The following HPSE variants were observed in gnomAD, a reference collection of about 807,000 sequenced individuals.
The protein encoded by HPSE is heparanase, also known as endo-glucoronidase.
In HPSE, 48 loss-of-function variants were observed where a neutral mutation model predicts 65.1. The ratio of observed to expected loss-of-function variants is 0.74; its 90% confidence interval spans 0.58 to 0.94. HPSE has a LOEUF of 0.94. Among genes scored for constraint, HPSE ranks in the 40% least tolerant of loss-of-function variants. The probability of loss-of-function intolerance (pLI) is 0.00; values close to 1 mark genes in which losing one functional copy is unlikely to be tolerated. For synonymous variants in HPSE, 243 were observed against 260.0 expected (o/e 0.93, Z 0.63); for missense variants, 644 against 637.5 (o/e 1.01, Z -0.11).
intron 8 of HPSE, among the ~76,000 whole-genome samples, chr4:83,307,795 G>A (rs1259569118): frequency 1.3e-5 from 2 of 152,026 alleles, no homozygotes; most frequent in Admixed American, 6.6e-5. Context: ...TTATAAGAAT[G>A]AGGATGAGAG....
chr4:83,319,226 G>C, intron 3 of HPSE, 118 bp downstream of exon 3: 1 of 993,064 alleles, frequency 1.0e-6, no homozygotes, highest in Non-Finnish European at 1.5e-6. Context: ...TTTGGGAAAT[G>C]CTTCAGTATT....
intron 1 of HPSE, among the ~76,000 whole-genome samples, chr4:83,328,295 C>T (rs1366289693): frequency 6.6e-6 from 1 of 152,212 alleles, no homozygotes; most frequent in African/African-American, 2.4e-5. Context: ...CTCCTAAGTT[C>T]CCATAGCTTT....
At chr4:83,328,700 G>A (rs1046066487) in intron 1 of HPSE, among the ~76,000 whole-genome samples, 6 of 152,082 alleles carry the variant, frequency 3.9e-5, no homozygotes, top group South Asian at 2.1e-4. Flanking sequence ...GGGAAGAAAC[G>A]GGGTGGTTTC....
intron 1 of HPSE, among the ~76,000 whole-genome samples, chr4:83,332,913 A>C (rs956314138): frequency 3.9e-4 from 58 of 150,444 alleles, no homozygotes; most frequent in African/African-American, 1.3e-3. Flanking sequence ...ACCCATGTTC[A>C]GTAACCGCCC....
In HPSE at chr4:83,334,821, G is replaced by T. The variant is rs1737555259; in HGVS notation, c.-39C>A. 2.8e-5 allele frequency: 42 copies of T among 1,479,830 alleles called. No individual in the cohort carries two copies. Among genetic ancestry groups the T allele is most frequent in the Non-Finnish European group, 3.6e-5 (40 of 1,116,934 alleles). 91.7% of individuals were successfully genotyped at this position (1,479,830 alleles called of 1,614,324 possible). ...GGCTGCTCCCCCCGCCAGCTGCCGC[G>T]CAGCGGAGAGTCGAGAGCTCTAGCA... On this transcript the variant is annotated 5_prime_UTR_variant, in exon 1 of 12. Coordinates refer to ENST00000311412, the MANE Select transcript of HPSE (RefSeq NM_001098540.3).
intron 11 of HPSE, among the ~76,000 whole-genome samples, chr4:83,297,720 T>C (rs978304434): frequency 6.6e-6 from 1 of 152,202 alleles, no homozygotes; most frequent in African/African-American, 2.4e-5. Context: ...CATGCCTGCA[T>C]TGCAGTTGTA....
intron 8 of HPSE, among the ~76,000 whole-genome samples, chr4:83,306,868 A>T (rs1427066065): frequency 1.3e-5 from 2 of 152,134 alleles, no homozygotes. Context: ...AACCTCCCCA[A>T]ATTGTTCCTG....
At chr4:83,310,235 C>A (rs1347995750) in intron 5 of HPSE, among the ~76,000 whole-genome samples, 157 bp from the exon 6 acceptor site, 1 of 152,152 alleles carries the variant, frequency 6.6e-6, no homozygotes, top group East Asian at 1.9e-4. Flanking sequence ...TCATAGGTGA[C>A]ATTTGCCTCA....
chr4:83,334,444 G>A, intron 1 of HPSE, 112 bp downstream of exon 1: 1 of 1,213,798 alleles, frequency 8.2e-7, no homozygotes, highest in Admixed American at 2.6e-5. Flanking sequence ...AGACAGGCGG[G>A]GAGGTTCCGG....
intron 11 of HPSE, 77 bp downstream of exon 11, chr4:83,300,883 C>A: frequency 2.4e-6 from 2 of 832,736 alleles, no homozygotes; most frequent in Admixed American, 3.0e-5. Context: ...GTCTTTTGCT[C>A]CCTGTCCAAA....
intron 9 of HPSE, among the ~76,000 whole-genome samples, chr4:83,303,716 A>G (rs1736046478): frequency 6.6e-6 from 1 of 152,092 alleles, no homozygotes; most frequent in Admixed American, 6.6e-5. Flanking sequence ...TGCCCAGATA[A>G]GTTTTTGATT....
At chr4:83,298,419 G>T (rs562930697) in intron 11 of HPSE, among the ~76,000 whole-genome samples, 1 of 152,070 alleles carries the variant, frequency 6.6e-6, no homozygotes, top group African/African-American at 2.4e-5. Flanking sequence ...GCAGGATTGC[G>T]TGAGTCCAGG....
intron 4 of HPSE, among the ~76,000 whole-genome samples, chr4:83,312,230 A>G (rs922151750): frequency 1.3e-5 from 2 of 152,330 alleles, no homozygotes; most frequent in Admixed American, 6.5e-5. Flanking sequence ...GCTGGCTCCA[A>G]CTGGTTCTCA....
In HPSE at chr4:83,319,398, G is replaced by A. The variant is rs760486429; in HGVS notation, c.445C>T (p.Gln149Ter). 3 of 1,613,844 alleles carry A rather than the reference G, an allele frequency of 1.9e-6. No homozygotes were observed. The South Asian group carries it at 3.3e-5, about 18-fold the overall frequency. ...KLRLEWPYQE[Q>*]LLLREHYQKK... ...TGGTAGTGTTCTCGGAGTAGCAATT[G>A]CTCCTGGTAGGGCCATTCCAACCGT... The change falls in exon 3 of 12, where the codon CAA becomes TAA. Residue 149 changes from glutamine to a stop codon, truncating the protein, a stop_gained. Transcript: ENST00000311412. LOFTEE classifies it high-confidence loss of function.
chr4:83,307,384 C>T (rs1052676159), intron 8 of HPSE, among the ~76,000 whole-genome samples: 3 of 151,948 alleles, frequency 2.0e-5, no homozygotes, highest in African/African-American at 7.2e-5. Context: ...ATAAATAAGT[C>T]ATTTAAATGA....
chr4:83,311,769 A>T (rs1320723212), intron 4 of HPSE, among the ~76,000 whole-genome samples: 2 of 137,528 alleles, frequency 1.5e-5, no homozygotes, highest in African/African-American at 5.6e-5. Flanking sequence ...GTAACAGAGC[A>T]AGATCTTGTC....
At chr4:83,323,507 ACAC>A in intron 1 of HPSE, among the ~76,000 whole-genome samples, 1 of 7,802 alleles carries the variant, frequency 1.3e-4, no homozygotes, top group African/African-American at 1.8e-4. Context: ...TATTTAAAAC[ACAC>A]ACACACACAC....
intron 8 of HPSE, among the ~76,000 whole-genome samples, chr4:83,307,224 CCT>C (rs1456512755): frequency 6.6e-6 from 1 of 152,190 alleles, no homozygotes; most frequent in Admixed American, 6.5e-5. Flanking sequence ...TTGCAATTCC[CCT>C]GTCTTGATAA....
intron 11 of HPSE, among the ~76,000 whole-genome samples, chr4:83,296,149 C>T (rs1735713742): frequency 2.6e-5 from 4 of 152,072 alleles, no homozygotes; most frequent in South Asian, 2.1e-4. Flanking sequence ...AACTGTTGAA[C>T]GTTCTTAAAA....
Sources: gnomAD v4.1 joint callset for allele counts (sites outside exome capture counted in the v4.1 genomes callset) on GRCh38, gnomAD v4.1.1 for gene constraint, MANE v1.5 for transcripts, NCBI Gene and HGNC (gene_info 2026-07-23, HGNC 2026-07-21) for gene names.